Variants in LASP1NB observed in about 807,000 individuals in gnomAD.
The protein encoded by LASP1NB is LASP1 neighbor, also known as LASP1 neighbor protein.
the LASP1NB span, chr17:38,926,868 A>C: frequency 6.6e-6 from 1 of 152,172 alleles, no homozygotes; most frequent in Non-Finnish European, 1.5e-5. Flanking sequence ...CAGATTGCAC[A>C]GTCTGGGGTT....
the LASP1NB span, chr17:38,927,754 T>C: frequency 6.6e-6 from 1 of 151,878 alleles, no homozygotes. Context: ...TTAAAAATTA[T>C]GGACAAGGCC....
chr17:38,927,500 A>G, the LASP1NB span: 1 of 152,020 alleles, frequency 6.6e-6, no homozygotes, highest in Admixed American at 6.6e-5. Context: ...AGTCCCAGCT[A>G]CCCGGGAGGC....
chr17:38,926,414 C>T, the LASP1NB span: 1 of 152,148 alleles, frequency 6.6e-6, no homozygotes, highest in South Asian at 2.1e-4. Flanking sequence ...GGGTTTCTTA[C>T]AGCTCCTGGT....
chr17:38,927,640 CAAG>C, the LASP1NB span: 1 of 151,888 alleles, frequency 6.6e-6, no homozygotes, highest in African/African-American at 2.4e-5. Flanking sequence ...AATAAATAAA[CAAG>C]GAGAAAGATT....
chr17:38,926,584 G>C, the LASP1NB span: 1 of 152,140 alleles, frequency 6.6e-6, no homozygotes, highest in Admixed American at 6.5e-5. Context: ...GGACAGGGCT[G>C]GCAGATACTG....
At chr17:38,928,376 T>C in the LASP1NB span, 1 of 152,228 alleles carries the variant, frequency 6.6e-6, no homozygotes. Flanking sequence ...AAGGTCGCAT[T>C]ATCTCTTTGG....
At chr17:38,925,838 G>A in the LASP1NB span, 7 of 398,220 alleles carry the variant, frequency 1.8e-5, no homozygotes, top group South Asian at 2.6e-4. Context: ...ATGAATGGCC[G>A]AGTGCCCTGC....
chr17:38,926,015 A>G, the LASP1NB span: 4 of 329,894 alleles, frequency 1.2e-5, no homozygotes, highest in Admixed American at 4.9e-5. Flanking sequence ...AATTTAAAAT[A>G]AGACTTTAAA....
At chr17:38,926,495 C>T in the LASP1NB span, 1 of 152,190 alleles carries the variant, frequency 6.6e-6, no homozygotes, top group Non-Finnish European at 1.5e-5. Flanking sequence ...CTTTCAGAGC[C>T]TTCCAGACAT....
At chr17:38,926,228 T>A in the LASP1NB span, among the ~76,000 whole-genome samples, 2 of 152,232 alleles carry the variant, frequency 1.3e-5, no homozygotes, top group South Asian at 4.1e-4. Flanking sequence ...TTTACAACTA[T>A]GCTTGTATAA....
the LASP1NB span, chr17:38,926,412 T>C: frequency 2.0e-5 from 3 of 152,282 alleles, no homozygotes; most frequent in East Asian, 3.9e-4. Flanking sequence ...CTGGGTTTCT[T>C]ACAGCTCCTG....
the LASP1NB span, chr17:38,928,648 A>G: frequency 6.6e-6 from 1 of 152,222 alleles, no homozygotes; most frequent in Non-Finnish European, 1.5e-5. Flanking sequence ...TATGTAGCAA[A>G]AAGATAGGTA....
the LASP1NB span, among the ~76,000 whole-genome samples, chr17:38,926,077 G>A: frequency 3.3e-5 from 5 of 151,996 alleles, no homozygotes; most frequent in Admixed American, 3.3e-4. Flanking sequence ...AACGGGTTGG[G>A]AATGATGGAT....
the LASP1NB span, chr17:38,926,609 G>A: frequency 1.3e-5 from 2 of 152,216 alleles, no homozygotes; most frequent in African/African-American, 4.8e-5. Flanking sequence ...TGTTTGAGCT[G>A]TAGATGGGAT....
At chr17:38,925,758 T>C in the LASP1NB span, 2 of 398,608 alleles carry the variant, frequency 5.0e-6, no homozygotes, top group Non-Finnish European at 8.8e-6. Flanking sequence ...TCCTACATTA[T>C]CTATCTGCTC....
chr17:38,927,832 C>G, the LASP1NB span: 2 of 152,122 alleles, frequency 1.3e-5, no homozygotes, highest in Non-Finnish European at 2.9e-5. Context: ...CACTTGAGGT[C>G]GGGAGTTTGA....
the LASP1NB span, chr17:38,925,959 C>T: frequency 2.6e-6 from 1 of 383,162 alleles, no homozygotes; most frequent in African/African-American, 2.1e-5. Context: ...TTTTCTTAGA[C>T]CACTCTGAAA....
the LASP1NB span, chr17:38,928,929 G>A: frequency 1.3e-5 from 2 of 152,136 alleles, no homozygotes; most frequent in Non-Finnish European, 2.9e-5. Flanking sequence ...GTCTAACCAA[G>A]CTTGCTCTGG....
the LASP1NB span, chr17:38,928,837 C>T: frequency 6.6e-6 from 1 of 152,190 alleles, no homozygotes; most frequent in African/African-American, 2.4e-5. Context: ...TACATCCTTA[C>T]CTAGGTAATT....
Sources: allele counts gnomAD v4.1 joint callset (sites outside exome capture counted in the v4.1 genomes callset), GRCh38; gene constraint gnomAD v4.1.1; transcripts MANE v1.5; gene names NCBI Gene and HGNC (gene_info 2026-07-23, HGNC 2026-07-21).